The following PAK5 variants were observed in gnomAD, a reference collection of about 807,000 sequenced individuals.
PAK5 encodes p21 (RAC1) activated kinase 5.
Under a neutral mutation model 65.9 loss-of-function variants are expected in PAK5, and 16 were observed. That is an observed-to-expected ratio of 0.24 (90% confidence interval 0.16 to 0.37). The LOEUF (loss-of-function observed/expected upper bound fraction) is 0.37, where lower values mean the gene tolerates loss of function less well. Among genes scored for constraint, PAK5 ranks in the 10% least tolerant of loss-of-function variants. The pLI, the probability that PAK5 is intolerant of heterozygous loss-of-function variation, is 1.00. For synonymous variants in PAK5, 371 were observed against 354.9 expected, an observed-to-expected ratio of 1.05 and a Z score of -0.51; for missense variants, 785 against 903.9, an observed-to-expected ratio of 0.87 and a Z score of 1.69.
chr20:9,562,777 A>C (rs2045610755), intron 6 of PAK5, 114 bp downstream of exon 6: 1 of 871,020 alleles, frequency 1.1e-6, no homozygotes, highest in East Asian at 2.4e-5. Flanking sequence ...AAGGGTAGTC[A>C]TATTCCCTGA....
Position 9,766,124 on chromosome 20 carries a change from G to C in PAK5, c.-161-54689C>G, listed in dbSNP as rs534416416. ...GTAGTCCCAGCTACTCGGGAGGCTG[G>C]GGCAGAAGAATCACTTGAACCCGGA... On this transcript the variant is annotated intron_variant, in intron 1 of 9. Transcript: ENST00000353224. Among the ~76,000 whole-genome samples, 23 of 151,392 alleles carry C rather than the reference G, an allele frequency of 1.5e-4. No individual in the cohort carries two copies. In the South Asian group the frequency reaches 4.8e-3, roughly 32 times the overall value.
intron 1 of PAK5, among the ~76,000 whole-genome samples, chr20:9,736,598 T>C (rs922999425): frequency 2.0e-5 from 3 of 152,320 alleles, no homozygotes; most frequent in East Asian, 3.9e-4. Context: ...TGTTTAACCT[T>C]TAAAATGATG....
At chr20:9,563,893 G>C (rs1170433339) in intron 5 of PAK5, among the ~76,000 whole-genome samples, 1 of 152,106 alleles carries the variant, frequency 6.6e-6, no homozygotes, top group Non-Finnish European at 1.5e-5. Flanking sequence ...GGCCACTGGG[G>C]GCTTCATATG....
At chr20:9,575,863 G>A (rs2045877281) in intron 4 of PAK5, 1 of 152,160 alleles carries the variant, frequency 6.6e-6, no homozygotes, top group Non-Finnish European at 1.5e-5. Flanking sequence ...GAGTCAGTGG[G>A]ACCTAGTTTG....
At chr20:9,732,350 T>C (rs1392450837) in intron 1 of PAK5, among the ~76,000 whole-genome samples, 2 of 152,314 alleles carry the variant, frequency 1.3e-5, no homozygotes, top group East Asian at 1.9e-4. Context: ...AAATAGTTTG[T>C]ACCAAACATA....
At chr20:9,638,362 A>G (rs2123251129) in intron 3 of PAK5, among the ~76,000 whole-genome samples, 1 of 152,324 alleles carries the variant, frequency 6.6e-6, no homozygotes, top group East Asian at 1.9e-4. Flanking sequence ...CATGGCCTAC[A>G]TGGCTAGCCC....
chr20:9,670,351 A>T (rs1413226204), intron 2 of PAK5, among the ~76,000 whole-genome samples: 1 of 152,114 alleles, frequency 6.6e-6, no homozygotes, highest in Non-Finnish European at 1.5e-5. Context: ...CGCCACACTG[A>T]CTTCCACAAT....
intron 1 of PAK5, among the ~76,000 whole-genome samples, chr20:9,774,671 C>CA (rs2048868114): frequency 6.6e-6 from 1 of 151,712 alleles, no homozygotes; most frequent in Non-Finnish European, 1.5e-5. Flanking sequence ...CTCAGCAAAG[C>CA]AAAAAAGAAC....
intron 1 of PAK5, among the ~76,000 whole-genome samples, chr20:9,761,508 C>T (rs1340094958): frequency 6.6e-6 from 1 of 152,060 alleles, no homozygotes; most frequent in Non-Finnish European, 1.5e-5. Context: ...ATCAAAATTC[C>T]AATGGCAATT....
At chr20:9,672,685 T>C (rs2047516586) in intron 2 of PAK5, among the ~76,000 whole-genome samples, 17 of 152,176 alleles carry the variant, frequency 1.1e-4, no homozygotes, top group Admixed American at 1.1e-3. Flanking sequence ...CGTATGTCTT[T>C]ATTAGCAGCT....
At position 9,607,573 on chromosome 20, in the gene PAK5, T is replaced by C. The variant is rs139288279; in HGVS notation, c.205-26643A>G. Among the ~76,000 whole-genome samples the C allele has an allele frequency of 3.0e-3, 462 of 152,226 alleles. 3 individuals are homozygous for C. The highest frequency in any genetic ancestry group is 0.01 in the African/African-American group (433 of 41,538). On this transcript the variant is annotated intron_variant, in intron 3 of 9. Coordinates refer to ENST00000353224, the MANE Select transcript of PAK5 (RefSeq NM_177990.4). ...CAGGCATGGCGGCTCACACCTGTAA[T>C]CCCAGCACTTTGGGAGGCCAAGGTG...
At chr20:9,581,031 A>G in intron 3 of PAK5, 101 bp from the exon 4 acceptor site, 2 of 814,684 alleles carry the variant, frequency 2.5e-6, no homozygotes, top group South Asian at 1.8e-5. Flanking sequence ...ACTACAGAAG[A>G]AAAAAGACCC....
chr20:9,562,268 A>C (rs1164075979), intron 6 of PAK5, among the ~76,000 whole-genome samples: 1 of 152,194 alleles, frequency 6.6e-6, no homozygotes, highest in Non-Finnish European at 1.5e-5. Flanking sequence ...TATCTGAGCC[A>C]CATTCATTTG....
chr20:9,537,624 T>C lies in PAK5; in HGVS notation c.*1838A>G, dbSNP rs1418576935. The C allele has an allele frequency of 9.2e-6, 2 of 216,544 alleles. No homozygotes were observed. Among genetic ancestry groups the C allele is most frequent in the African/African-American group, 4.5e-5 (2 of 44,316 alleles). 13.4% of individuals were successfully genotyped at this position (216,544 alleles called of 1,614,324 possible). ...TTATTCTGGTTTAAAAAAGATTTTC[T>C]TTTTCTTTTCTTTCTACTTCTACAT... On this transcript the variant is annotated 3_prime_UTR_variant, in exon 10 of 10. Transcript: ENST00000353224.
intron 4 of PAK5, among the ~76,000 whole-genome samples, chr20:9,567,226 G>C (rs1230319622): frequency 6.6e-6 from 1 of 152,120 alleles, no homozygotes; most frequent in African/African-American, 2.4e-5. Flanking sequence ...GGAAGATCTC[G>C]ATGACAACAC....
In PAK5 at chr20:9,825,690, C is replaced by T. The variant is rs566710682; in HGVS notation, c.-162+13072G>A. On this transcript the variant is annotated intron_variant, in intron 1 of 9. Transcript: ENST00000353224. ...TTATGCAAATGTTTTTACCAAATAT[C>T]TCTAAACTCTATACTTTTAAATAAA... Among the ~76,000 whole-genome samples, 69 of 152,258 alleles carry T rather than the reference C, an allele frequency of 4.5e-4. No homozygotes were observed. The South Asian group carries it at 0.013, about 29-fold the overall frequency.
At chr20:9,758,521 A>G (rs2048661411) in intron 1 of PAK5, among the ~76,000 whole-genome samples, 1 of 152,162 alleles carries the variant, frequency 6.6e-6, no homozygotes, top group Non-Finnish European at 1.5e-5. Context: ...TACTTTGCAT[A>G]GTGGTATGCT....
chr20:9,823,631 A>C (rs2049449683), intron 1 of PAK5, among the ~76,000 whole-genome samples: 2 of 152,174 alleles, frequency 1.3e-5, no homozygotes, highest in South Asian at 4.1e-4. Context: ...GCCATGTAGA[A>C]CTGTGAGTCC....
chr20:9,802,910 G>GTGTGTGTGTATATATATATATATATATA (rs142279832), intron 1 of PAK5, among the ~76,000 whole-genome samples: 2 of 46,364 alleles, frequency 4.3e-5, no homozygotes, highest in Admixed American at 3.3e-4. Context: ...ATATGTATGT[G>GTGTGTGTGTATATATATATATATATATA]TATATATATA....
Sources: allele counts gnomAD v4.1 joint callset (sites outside exome capture counted in the v4.1 genomes callset), GRCh38; gene constraint gnomAD v4.1.1; transcripts MANE v1.5; gene names NCBI Gene and HGNC (gene_info 2026-07-23, HGNC 2026-07-21).